Variants in ZNF385D observed in about 807,000 individuals in gnomAD.
ZNF385D encodes the protein zinc finger protein 385D, also known as zinc finger protein 659.
Under a neutral mutation model 35.8 loss-of-function variants are expected in ZNF385D, and 15 were observed. The observed-to-expected ratio is 0.42, with a 90% CI of 0.28 to 0.64. The LOEUF is 0.64. Ranked by LOEUF, ZNF385D falls within the 30% of genes least tolerant of loss-of-function variation. The pLI, the probability that ZNF385D is intolerant of heterozygous loss-of-function variation, is 0.23. For synonymous variants in ZNF385D, 212 were observed against 186.8 expected (o/e 1.13, Z -1.10); for missense variants, 474 against 494.6 (o/e 0.96, Z 0.39).
At chr3:21,718,311 T>A (rs58418385) in intron 1 of ZNF385D, among the ~76,000 whole-genome samples, 18,843 of 152,224 alleles carry the variant, frequency 0.12, 1,215 homozygotes, top group Middle Eastern at 0.17. Context: ...GGGGTTGATA[T>A]GAAGAATGGT....
At chr3:22,082,972 T>C (rs1160654480) in intron 3 of ZNF385D, among the ~76,000 whole-genome samples, 1 of 152,166 alleles carries the variant, frequency 6.6e-6, no homozygotes, top group Non-Finnish European at 1.5e-5. Context: ...CCAACAGACC[T>C]GCAGCTGAGG....
intron 2 of ZNF385D, among the ~76,000 whole-genome samples, chr3:22,228,688 G>A (rs550553967): frequency 1.4e-4 from 21 of 152,146 alleles, no homozygotes; most frequent in Non-Finnish European, 2.1e-4. Flanking sequence ...GTTGTCAAAG[G>A]AGATTAACAT....
chr3:21,989,338 A>C (rs1207960287), intron 3 of ZNF385D, among the ~76,000 whole-genome samples: 1 of 152,100 alleles, frequency 6.6e-6, no homozygotes, highest in East Asian at 1.9e-4. Flanking sequence ...CCTAGGATGC[A>C]TTTCTGGAAT....
intron 3 of ZNF385D, among the ~76,000 whole-genome samples, chr3:22,050,158 G>A (rs1348049316): frequency 6.6e-6 from 1 of 151,574 alleles, no homozygotes; most frequent in Non-Finnish European, 1.5e-5. Flanking sequence ...TTGAGCCCAG[G>A]AGTTTGAGAC....
chr3:22,210,771 T>C lies in ZNF385D; in HGVS notation c.107-41736A>G, dbSNP rs115318502. ...ATTTACACTTTAGGTTCTAGCCATA[T>C]GGAACAAGAGCTTGTTCCCTCACCA... On this transcript the variant is annotated intron_variant, in intron 2 of 5. Transcript: ENST00000494108. 4.8e-3 allele frequency among the ~76,000 whole-genome samples: 734 copies of C among 152,030 alleles called. 10 individuals are homozygous for C. Among genetic ancestry groups the C allele is most frequent in the African/African-American group, 0.017 (687 of 41,540 alleles).
chr3:22,040,227 A>G (rs1399452030), intron 3 of ZNF385D, among the ~76,000 whole-genome samples: 1 of 152,198 alleles, frequency 6.6e-6, no homozygotes, highest in Non-Finnish European at 1.5e-5. Flanking sequence ...TAAACCTTTT[A>G]CAAATTATCC....
At chr3:21,682,807 C>T (rs2066960716) in intron 1 of ZNF385D, among the ~76,000 whole-genome samples, 1 of 149,666 alleles carries the variant, frequency 6.7e-6, no homozygotes, top group African/African-American at 2.5e-5. Context: ...AGTGCAACTG[C>T]TAAGTCTGCC....
chr3:21,781,846 C>T (rs1003887848), intron 3 of ZNF385D, among the ~76,000 whole-genome samples: 1 of 151,970 alleles, frequency 6.6e-6, no homozygotes, highest in Non-Finnish European at 1.5e-5. Context: ...AAATAATTGA[C>T]CACTCTAGCA....
intron 3 of ZNF385D, among the ~76,000 whole-genome samples, chr3:21,552,064 A>G (rs1453191365): frequency 6.6e-6 from 1 of 152,230 alleles, no homozygotes; most frequent in African/African-American, 2.4e-5. Flanking sequence ...TATGTGATAG[A>G]GGATTCAACC....
intron 2 of ZNF385D, among the ~76,000 whole-genome samples, chr3:22,342,061 G>C (rs539687319): frequency 1.3e-5 from 2 of 151,950 alleles, no homozygotes; most frequent in Non-Finnish European, 2.9e-5. Context: ...AGATCACGAG[G>C]TCAGGAAATC....
Position 21,613,331 on chromosome 3 carries a change from A to C in ZNF385D, c.166-48647T>G, listed in dbSNP as rs532563579. On this transcript the variant is annotated intron_variant, in intron 2 of 7. Transcript: ENST00000281523. ...AAAATGAGAAGATAGACAAAGAAAG[A>C]AGTCAGAAGATAAAAAAAAAAATGT... Among the ~76,000 whole-genome samples, 54 of 143,656 alleles carry C rather than the reference A, an allele frequency of 3.8e-4. 1 individual carries two copies. Among genetic ancestry groups the C allele is most frequent in the African/African-American group, 1.3e-3 (51 of 39,290 alleles). The allele number at this position is 143,656 out of a possible 152,430, so 94.2% of individuals were successfully genotyped here.
At chr3:22,250,914 A>T (rs1297758445) in intron 2 of ZNF385D, among the ~76,000 whole-genome samples, 1 of 152,074 alleles carries the variant, frequency 6.6e-6, no homozygotes, top group Non-Finnish European at 1.5e-5. Flanking sequence ...ATTAATGAGG[A>T]CTTGAGAATC....
intron 2 of ZNF385D, among the ~76,000 whole-genome samples, chr3:21,625,419 C>CA (rs1367249621): frequency 6.6e-6 from 1 of 152,010 alleles, no homozygotes; most frequent in Non-Finnish European, 1.5e-5. Flanking sequence ...CCTTCTGTGA[C>CA]AAAATCATTC....
intron 2 of ZNF385D, among the ~76,000 whole-genome samples, chr3:22,297,079 T>C (rs1020029524): frequency 6.6e-6 from 1 of 152,146 alleles, no homozygotes; most frequent in Non-Finnish European, 1.5e-5. Context: ...TATATTGAAT[T>C]AGTAAACTAT....
chr3:21,601,491 G>A (rs2064288822), intron 2 of ZNF385D, among the ~76,000 whole-genome samples: 2 of 152,220 alleles, frequency 1.3e-5, no homozygotes. Flanking sequence ...CCCTGGGGAT[G>A]AGGCACTGGA....
At chr3:21,672,228 C>T (rs2066597211) in intron 1 of ZNF385D, among the ~76,000 whole-genome samples, 1 of 152,026 alleles carries the variant, frequency 6.6e-6, no homozygotes, top group South Asian at 2.1e-4. Context: ...GATTTGGTAA[C>T]CATTTTTCTT....
intron 3 of ZNF385D, among the ~76,000 whole-genome samples, chr3:21,988,503 A>T (rs1325936241): frequency 8.4e-5 from 12 of 143,536 alleles, no homozygotes; most frequent in Non-Finnish European, 1.9e-4. Context: ...TCAGGGACCC[A>T]CTTGAGGAGG....
chr3:22,312,962 T>C (rs1437612953), intron 2 of ZNF385D, among the ~76,000 whole-genome samples: 4 of 148,300 alleles, frequency 2.7e-5, no homozygotes, highest in African/African-American at 7.6e-5. Flanking sequence ...CGTATGTTTA[T>C]TGCAGCACTA....
At chr3:22,201,896 C>T (rs1696823255) in intron 2 of ZNF385D, among the ~76,000 whole-genome samples, 1 of 151,622 alleles carries the variant, frequency 6.6e-6, no homozygotes, top group African/African-American at 2.4e-5. Context: ...CAGTTGCCTA[C>T]TGGAGAAAAG....
Sources: gnomAD v4.1 joint callset for allele counts (sites outside exome capture counted in the v4.1 genomes callset) on GRCh38, gnomAD v4.1.1 for gene constraint, MANE v1.5 for transcripts, NCBI Gene and HGNC (gene_info 2026-07-23, HGNC 2026-07-21) for gene names.